The following RDH13 variants were observed in gnomAD, a reference collection of about 807,000 sequenced individuals.
RDH13 encodes the protein retinol dehydrogenase 13 (all-trans and 9-cis).
RDH13 carries 35 observed loss-of-function variants against 28.3 expected under a neutral mutation model. That is an observed-to-expected ratio of 1.24 (90% CI 0.95 to 1.64). The LOEUF is 1.64. Ranked by LOEUF, RDH13 falls within the 40% of genes most tolerant of loss-of-function variation. The probability of loss-of-function intolerance (pLI) is 0.00; values close to 1 mark genes in which losing one functional copy is unlikely to be tolerated. For missense variants in RDH13, 514 were observed against 446.3 expected, an observed-to-expected ratio of 1.15 and a Z score of -1.37; for synonymous variants, 229 against 198.5, an observed-to-expected ratio of 1.15 and a Z score of -1.29.
rs897280639 is a variant in RDH13, at chr19:55,044,721, C to T, written c.*353G>A. 3.0e-5 allele frequency: 9 copies of T among 295,354 alleles called. No homozygotes were observed. The highest frequency in any genetic ancestry group is 1.5e-4 in the Admixed American group (3 of 19,576). 18.3% of individuals were successfully genotyped at this position (295,354 alleles called of 1,614,324 possible). ...TCAGACAACTTGCCCATGCTCTTCA[C>T]GGAGCACCTTGGAACCCTCCCCGAC... On this transcript the variant is annotated 3_prime_UTR_variant, in exon 7 of 7. Coordinates refer to ENST00000415061, the MANE Select transcript of RDH13 (RefSeq NM_001145971.2).
intron 3 of RDH13, among the ~76,000 whole-genome samples, chr19:55,050,014 G>T (rs920207972): frequency 6.7e-6 from 1 of 149,690 alleles, no homozygotes; most frequent in Non-Finnish European, 1.5e-5. Context: ...TTCAGACATG[G>T]TCTCACTATG....
Position 55,047,460 on chromosome 19 carries a change from G to T in RDH13, c.687C>A (p.His229Gln). The T allele has an allele frequency of 1.2e-6, 2 of 1,609,500 alleles. No homozygotes were observed. Among genetic ancestry groups the T allele is most frequent in the South Asian group, 2.2e-5 (2 of 90,974 alleles). ...CCAGCTCTGTCCTGGCCACGCCGGG[G>T]TGCAGGGCGTTGACAGTCACACCAG... ...QGSGVTVNAL[H>Q]PGVARTELGR... is the part of the protein sequence containing the mutation. The change falls in exon 6 of 7, where the codon CAC (histidine) becomes CAA (glutamine). Residue 229 changes from histidine (H) to glutamine (Q), a missense_variant. Coordinates refer to ENST00000415061, the MANE Select transcript of RDH13 (RefSeq NM_001145971.2).
chr19:55,050,229 G>A (rs2075385812), intron 3 of RDH13, among the ~76,000 whole-genome samples: 1 of 151,488 alleles, frequency 6.6e-6, no homozygotes, highest in African/African-American at 2.4e-5. Context: ...CAATTCTCCT[G>A]CCTCAGCCTC....
chr19:55,068,120 T>TC (rs201657521), upstream of RDH13, among the ~76,000 whole-genome samples: 670 of 149,440 alleles, frequency 4.5e-3, 13 homozygotes, highest in African/African-American at 0.016. Context: ...TGTTTCTCTC[T>TC]TTCTCTTTCT....
chr19:55,066,928 G>A (rs2075974002), upstream of RDH13, among the ~76,000 whole-genome samples: 1 of 152,114 alleles, frequency 6.6e-6, no homozygotes, highest in South Asian at 2.1e-4. Context: ...CTTCTTGACA[G>A]CCCCAGCCAT....
At chr19:55,064,376 G>A (rs556463917), upstream of RDH13, 1 of 151,020 alleles carries the variant, frequency 6.6e-6, no homozygotes, top group Non-Finnish European at 1.5e-5. Context: ...AGCCGAGATT[G>A]CCCTACTGCA....
At chr19:55,054,040 A>G (rs2075552116) in intron 3 of RDH13, 1 of 152,202 alleles carries the variant, frequency 6.6e-6, no homozygotes, top group Admixed American at 6.5e-5. Flanking sequence ...CCCCAAGGGC[A>G]CAGCAGGGGC....
chr19:55,052,964 T>C (rs2075505152), intron 3 of RDH13, among the ~76,000 whole-genome samples: 3 of 143,550 alleles, frequency 2.1e-5, no homozygotes, highest in Admixed American at 2.1e-4. Context: ...GCCTGCCTGA[T>C]TGTTTTGTAT....
chr19:55,043,971 C>T (rs976805974), downstream of RDH13: 4 of 150,436 alleles, frequency 2.7e-5, no homozygotes, highest in Admixed American at 1.3e-4. Flanking sequence ...GGCTGGAGGG[C>T]AGTGGCATGA....
At chr19:55,047,000 G>T in intron 6 of RDH13, 1 of 402,790 alleles carries the variant, frequency 2.5e-6, no homozygotes, top group Non-Finnish European at 3.7e-6. Context: ...TGACTGTGAG[G>T]TGAGTCCTAT....
In RDH13 at chr19:55,048,440, C is replaced by G. The variant is rs764689848; in HGVS notation, c.547G>C (p.Asp183His). 12 of 1,614,196 alleles carry G rather than the reference C, an allele frequency of 7.4e-6. No homozygotes were observed. In the Admixed American group the frequency reaches 2.0e-4, roughly 27 times the overall value. ...GTCTGCCAGTTCAAGTCGTCAAAGT[C>G]TATGTGCCCAGCAACATGGGCCAGG... is the stretch of plus-strand genomic sequence containing the variant. ...SSLAHVAGHI[D>H]FDDLNWQTRK... is the part of the protein sequence containing the mutation. Residue 183 changes from aspartate (D) to histidine (H), a missense_variant, in exon 5 of 7, where the codon GAC becomes CAC. Coordinates refer to ENST00000415061, the MANE Select transcript of RDH13 (RefSeq NM_001145971.2).
chr19:55,066,503 CCCTCT>C (rs778914335), upstream of RDH13, among the ~76,000 whole-genome samples: 46 of 62,212 alleles, frequency 7.4e-4, no homozygotes, highest in Admixed American at 3.4e-3. Context: ...CTCTCTCTCT[CCCTCT>C]CTCTCACATC....
chr19:55,049,267 G>A (rs536836524), intron 3 of RDH13, among the ~76,000 whole-genome samples: 3 of 152,212 alleles, frequency 2.0e-5, no homozygotes, highest in East Asian at 3.9e-4. Context: ...CCTTCCTGCC[G>A]GAGCCCCGAG....
intron 5 of RDH13, 123 bp from the exon 6 acceptor site, chr19:55,047,611 G>T (rs948192841): frequency 3.5e-6 from 5 of 1,429,038 alleles, no homozygotes; most frequent in Non-Finnish European, 4.6e-6. Context: ...AAACCCCATC[G>T]TCCCTCTTGC....
At chr19:55,053,157 T>C (rs1568708854) in intron 3 of RDH13, among the ~76,000 whole-genome samples, 2 of 150,814 alleles carry the variant, frequency 1.3e-5, no homozygotes, top group East Asian at 3.9e-4. Flanking sequence ...TTCCCAAAAC[T>C]TCTGTCTCCC....
upstream of RDH13, chr19:55,063,264 G>A (rs1344545503): frequency 2.5e-6 from 1 of 396,508 alleles, no homozygotes; most frequent in Non-Finnish European, 4.4e-6. Flanking sequence ...TGTCACAGCT[G>A]GGATTGGTGG....
At chr19:55,056,948 G>T in intron 2 of RDH13, 140 bp from the exon 3 acceptor site, 1 of 717,690 alleles carries the variant, frequency 1.4e-6, no homozygotes, top group Non-Finnish European at 2.3e-6. Context: ...CCAAAAGGTA[G>T]AAACAACCAA....
At position 55,048,473 on chromosome 19, in the gene RDH13, G is replaced by A; in HGVS notation, c.514C>T (p.Leu172Phe). Residue 172 changes from leucine to phenylalanine, a missense_variant, in exon 5 of 7, where the codon CTC becomes TTC. Physicochemically the swap from Leu to Phe is conservative, Grantham distance 22. Coordinates refer to ENST00000415061, the MANE Select transcript of RDH13 (RefSeq NM_001145971.2). ...CCAGCAACATGGGCCAGGGACGAGAGGTTGATGATCCGCGAAGGGGCTGAG... is the reference window on the plus strand; with the variant it reads ...CCAGCAACATGGGCCAGGGACGAGAAGTTGATGATCCGCGAAGGGGCTGAG... ...KASAPSRIINLSSLAHVAGHI... is the reference protein window; with the variant it reads ...KASAPSRIINFSSLAHVAGHI... 1 of 1,614,246 alleles carries A rather than the reference G, an allele frequency of 6.2e-7. No individual in the cohort carries two copies. The highest frequency in any genetic ancestry group is 8.5e-7 in the Non-Finnish European group (1 of 1,180,042).
intron 1 of RDH13, among the ~76,000 whole-genome samples, chr19:55,060,765 C>G (rs62124163): frequency 6.6e-6 from 1 of 152,042 alleles, no homozygotes; most frequent in Admixed American, 6.6e-5. Flanking sequence ...ACCTGGAAGG[C>G]GGAGGTTGCA....
Sources: allele counts gnomAD v4.1 joint callset (sites outside exome capture counted in the v4.1 genomes callset), GRCh38; gene constraint gnomAD v4.1.1; transcripts MANE v1.5; gene names NCBI Gene and HGNC (gene_info 2026-07-23, HGNC 2026-07-21).